Variants in RAI14 observed in about 807,000 individuals in gnomAD.
RAI14 encodes retinoic acid induced 14.
Under a neutral mutation model 115.4 loss-of-function variants are expected in RAI14, and 45 were observed. The ratio of observed to expected loss-of-function variants is 0.39; its 90% CI spans 0.31 to 0.50. The LOEUF (loss-of-function observed/expected upper bound fraction) is 0.50, where lower values mean the gene tolerates loss of function less well. Ranked by LOEUF, RAI14 falls within the 20% of genes least tolerant of loss-of-function variation. The pLI is 0.85. For synonymous variants in RAI14, 371 were observed against 415.4 expected (o/e 0.89, Z 1.30); for missense variants, 939 against 1,131.2 (o/e 0.83, Z 2.44).
chr5:34,711,541 C>T (rs1231486593), intron 2 of RAI14, among the ~76,000 whole-genome samples: 1 of 152,222 alleles, frequency 6.6e-6, no homozygotes, highest in Non-Finnish European at 1.5e-5. Context: ...TGTATATGTG[C>T]AAGTCACAGG....
At chr5:34,694,995 T>G (rs1373114735) in intron 2 of RAI14, among the ~76,000 whole-genome samples, 1 of 151,948 alleles carries the variant, frequency 6.6e-6, no homozygotes, top group Non-Finnish European at 1.5e-5. Flanking sequence ...GCCTCTGGAG[T>G]TCAAGTGATT....
intron 2 of RAI14, among the ~76,000 whole-genome samples, chr5:34,730,707 G>C (rs1744069334): frequency 6.6e-6 from 1 of 152,184 alleles, no homozygotes; most frequent in African/African-American, 2.4e-5. Context: ...ACAGGGCCAG[G>C]CATGGTGGCC....
At chr5:34,807,083 T>G (rs1006006100) in intron 5 of RAI14, among the ~76,000 whole-genome samples, 4 of 152,166 alleles carry the variant, frequency 2.6e-5, no homozygotes, top group Non-Finnish European at 4.4e-5. Context: ...GTTGTCACTG[T>G]TAGGACCTCC....
At chr5:34,730,523 A>G (rs115786771) in intron 2 of RAI14, among the ~76,000 whole-genome samples, 23,214 of 151,972 alleles carry the variant, frequency 0.15, 2,185 homozygotes, top group Non-Finnish European at 0.19. Flanking sequence ...TAAAAATACA[A>G]CAATTAGCCA....
intron 2 of RAI14, among the ~76,000 whole-genome samples, chr5:34,691,496 G>A (rs1489240847): frequency 6.6e-6 from 1 of 152,036 alleles, no homozygotes; most frequent in African/African-American, 2.4e-5. Flanking sequence ...AAAATGAGCT[G>A]TCGTCATGAA....
At chr5:34,724,510 G>A (rs74570647) in intron 2 of RAI14, among the ~76,000 whole-genome samples, 23,800 of 152,024 alleles carry the variant, frequency 0.16, 2,216 homozygotes, top group Non-Finnish European at 0.19. Flanking sequence ...TCCCCATGGC[G>A]TGACAGGAAG....
At chr5:34,775,369 G>C (rs1750708708) in intron 3 of RAI14, among the ~76,000 whole-genome samples, 1 of 152,050 alleles carries the variant, frequency 6.6e-6, no homozygotes, top group Non-Finnish European at 1.5e-5. Flanking sequence ...ATCTGACAAG[G>C]GATTAACAAC....
chr5:34,667,945 T>A (rs1384611440), intron 1 of RAI14, among the ~76,000 whole-genome samples: 2 of 152,136 alleles, frequency 1.3e-5, no homozygotes, highest in African/African-American at 4.8e-5. Flanking sequence ...AGCTGACATA[T>A]TGGTGATTGA....
rs1017809230 is a variant in RAI14 at position 34,832,029 on chromosome 5, T to A, written c.*1264T>A. The A allele has an allele frequency of 7.9e-5, 12 of 152,140 alleles. No homozygotes were observed. The highest frequency in any genetic ancestry group is 2.2e-4 in the African/African-American group (9 of 41,412). 9.4% of individuals were successfully genotyped at this position (152,140 alleles called of 1,614,324 possible). A position where few individuals can be genotyped will look rare whatever the true frequency, so the allele number is the denominator to read the frequency against. On this transcript the variant is annotated 3_prime_UTR_variant, in exon 18 of 18. Transcript: ENST00000265109. ...CATAGCAGAGGTCTCGGAAAAAAAA[T>A]ATTTCTGTTCACTTTACTTTCAGGT...
At chr5:34,755,630 C>T (rs1747785840) in intron 2 of RAI14, among the ~76,000 whole-genome samples, 1 of 152,178 alleles carries the variant, frequency 6.6e-6, no homozygotes, top group South Asian at 2.1e-4. Flanking sequence ...ATGCCAGTAG[C>T]ACTCTATAGA....
At chr5:34,681,048 T>C (rs1322423296) in intron 1 of RAI14, among the ~76,000 whole-genome samples, 1 of 152,188 alleles carries the variant, frequency 6.6e-6, no homozygotes, top group Non-Finnish European at 1.5e-5. Context: ...ACTCACAGCA[T>C]AGCCCTTGTC....
At chr5:34,772,219 A>C (rs1023216881) in intron 3 of RAI14, among the ~76,000 whole-genome samples, 5 of 152,166 alleles carry the variant, frequency 3.3e-5, no homozygotes, top group African/African-American at 1.2e-4. Flanking sequence ...AGTTGTGTGC[A>C]TAGTGATTTA....
At chr5:34,725,315 T>C (rs1291161152) in intron 2 of RAI14, among the ~76,000 whole-genome samples, 2 of 152,102 alleles carry the variant, frequency 1.3e-5, no homozygotes, top group Non-Finnish European at 2.9e-5. Flanking sequence ...GACCTGAATG[T>C]AATTAGTGAT....
intron 1 of RAI14, among the ~76,000 whole-genome samples, chr5:34,675,305 T>G (rs1743898911): frequency 6.6e-6 from 1 of 152,284 alleles, no homozygotes; most frequent in Non-Finnish European, 1.5e-5. Flanking sequence ...AGAATTTTAC[T>G]GTCATCACCA....
At chr5:34,779,986 A>T (rs953572671) in intron 3 of RAI14, among the ~76,000 whole-genome samples, 1 of 152,162 alleles carries the variant, frequency 6.6e-6, no homozygotes, top group African/African-American at 2.4e-5. Flanking sequence ...CAAGACTACC[A>T]TAACCAAAAC....
rs1751304919 is a variant in RAI14 at position 34,779,329 on chromosome 5, C to G, written c.168-16610C>G. Among the ~76,000 whole-genome samples, 3 of 152,158 alleles carry G rather than the reference C, an allele frequency of 2.0e-5. No individual in the cohort carries two copies. The South Asian group carries it at 6.2e-4, about 32-fold the overall frequency. ...AACTGGCACAAGACAGGGATGCCCT[C>G]TCTCACCACTCCTATTCAACATAGT... is the stretch of plus-strand genomic sequence containing the variant. On this transcript the variant is annotated intron_variant, in intron 3 of 17. Transcript: ENST00000265109.
intron 15 of RAI14, chr5:34,826,070 C>T (rs1424339409): frequency 2.1e-5 from 5 of 237,066 alleles, no homozygotes; most frequent in African/African-American, 6.8e-5. Context: ...CTTTTGTTAC[C>T]GCCATCACCA....
At chr5:34,763,797 G>A (rs1184525496) in intron 3 of RAI14, among the ~76,000 whole-genome samples, 1 of 152,204 alleles carries the variant, frequency 6.6e-6, no homozygotes, top group Non-Finnish European at 1.5e-5. Context: ...ACTGTAACCA[G>A]GGTGGATACA....
chr5:34,731,020 A>G (rs1744109292), intron 2 of RAI14, among the ~76,000 whole-genome samples: 1 of 152,152 alleles, frequency 6.6e-6, no homozygotes, highest in Non-Finnish European at 1.5e-5. Context: ...CAAAAACAAG[A>G]AAAACAGAAC....
Sources: gnomAD v4.1 joint callset for allele counts (sites outside exome capture counted in the v4.1 genomes callset) on GRCh38, gnomAD v4.1.1 for gene constraint, MANE v1.5 for transcripts, NCBI Gene and HGNC (gene_info 2026-07-23, HGNC 2026-07-21) for gene names.